STAT3: variants seen among roughly 807,000 people sequenced by gnomAD.
STAT3 encodes the protein DNA-binding protein APRF.
STAT3 carries 7 observed loss-of-function variants against 114.3 expected under a neutral mutation model. That is an observed-to-expected ratio of 0.06 (90% CI 0.03 to 0.11). The LOEUF (loss-of-function observed/expected upper bound fraction) is 0.11, where lower values mean the gene tolerates loss of function less well. Ranked by LOEUF, STAT3 falls within the 10% of genes least tolerant of loss-of-function variation. STAT3 has a pLI of 1.00. For synonymous variants in STAT3, 331 were observed against 354.5 expected (o/e 0.93, Z 0.74); for missense variants, 364 against 960.9 (o/e 0.38, Z 8.21).
At chr17:42,335,275 A>G (rs1417304466) in intron 8 of STAT3, among the ~76,000 whole-genome samples, 1 of 152,108 alleles carries the variant, frequency 6.6e-6, no homozygotes, top group Non-Finnish European at 1.5e-5. Context: ...GGTGTGTGCC[A>G]CCATGCCTGT....
rs2081540384 is a variant in STAT3, at chr17:42,322,904, C to A, written c.1888+100G>T. On this transcript the variant is annotated intron_variant, in intron 20 of 23. Coordinates refer to ENST00000264657, the MANE Select transcript of STAT3 (RefSeq NM_139276.3). Reference sequence around the variant, plus strand: ...GTCTGAGTGAAACAGGGAGTCAAGGCCATCTCCACCCACCAGGGGGCAGTA... The same window carrying A: ...GTCTGAGTGAAACAGGGAGTCAAGGACATCTCCACCCACCAGGGGGCAGTA... 3.3e-5 allele frequency: 51 copies of A among 1,558,626 alleles called. No homozygotes were observed. In the South Asian group the frequency reaches 5.4e-4, roughly 16 times the overall value.
Position 42,333,870 on chromosome 17 carries a change from G to A in STAT3, c.956+21C>T. 1.2e-6 allele frequency: 2 copies of A among 1,614,196 alleles called. No individual in the cohort carries two copies. Among genetic ancestry groups the A allele is most frequent in the South Asian group, 1.1e-5 (1 of 91,078 alleles). On this transcript the variant is annotated intron_variant, in intron 9 of 23. Transcript: ENST00000264657. This position sits in a 1 kb window ranked among gnomAD's most constrained non-coding sequence, Gnocchi z 5.2. ...TTAGGTATTTTTTAGATGAGGGAAA[G>A]GGACAAGGATGCTAAATTACCTTTT... is the stretch of plus-strand genomic sequence containing the variant.
chr17:42,340,017 A>C (rs1477842894), intron 4 of STAT3, among the ~76,000 whole-genome samples: 1 of 152,120 alleles, frequency 6.6e-6, no homozygotes, highest in Non-Finnish European at 1.5e-5. Flanking sequence ...AAATGAATGA[A>C]TGAATTAAAG....
intron 4 of STAT3, among the ~76,000 whole-genome samples, chr17:42,340,940 C>T (rs906245124): frequency 6.6e-6 from 1 of 152,112 alleles, no homozygotes; most frequent in Non-Finnish European, 1.5e-5. Context: ...TGGTCTATGG[C>T]AGCTGAAGCT....
At chr17:42,358,123 GAAGT>G (rs1272908861) in intron 1 of STAT3, among the ~76,000 whole-genome samples, 3 of 152,084 alleles carry the variant, frequency 2.0e-5, no homozygotes, top group Admixed American at 1.3e-4. Flanking sequence ...ATATATGAAA[GAAGT>G]AAAGGCCAGG....
At chr17:42,351,377 T>A (rs17886670) in intron 1 of STAT3, among the ~76,000 whole-genome samples, 1,575 of 151,922 alleles carry the variant, frequency 0.01, 38 homozygotes, top group African/African-American at 0.032. Flanking sequence ...CTCAAGTAAC[T>A]GGGACTACAG....
Position 42,324,084 on chromosome 17 carries a change from G to A in STAT3, c.1601-459C>T, listed in dbSNP as rs557096591. 2.8e-4 allele frequency among the ~76,000 whole-genome samples: 43 copies of A among 152,294 alleles called. No individual in the cohort carries two copies. The highest frequency in any genetic ancestry group is 3.4e-3 in the Middle Eastern group (1 of 294). Reference sequence around the variant, plus strand: ...GCCTGTAATCCCAGCACTTTAGGAGGCCGAGGTGGGCGGATCACGAGGTGA... The same window carrying A: ...GCCTGTAATCCCAGCACTTTAGGAGACCGAGGTGGGCGGATCACGAGGTGA... On this transcript the variant is annotated intron_variant, in intron 17 of 23. Transcript: ENST00000264657. This position sits in a 1 kb window ranked among gnomAD's most constrained non-coding sequence, Gnocchi z 4.5.
At chr17:42,373,298 C>T (rs1178702715) in intron 1 of STAT3, among the ~76,000 whole-genome samples, 1 of 151,800 alleles carries the variant, frequency 6.6e-6, no homozygotes, top group Non-Finnish European at 1.5e-5. Flanking sequence ...TGCAGTGAGC[C>T]GAGATCATGC....
intron 1 of STAT3, among the ~76,000 whole-genome samples, chr17:42,359,220 G>C (rs1215932638): frequency 6.6e-6 from 1 of 152,046 alleles, no homozygotes; most frequent in Non-Finnish European, 1.5e-5. Flanking sequence ...CAGGCGTAAA[G>C]CCACCGCACC....
intron 1 of STAT3, among the ~76,000 whole-genome samples, chr17:42,380,113 C>T (rs1402461784): frequency 6.6e-6 from 1 of 152,150 alleles, no homozygotes; most frequent in African/African-American, 2.4e-5. Flanking sequence ...CAGCTCACTG[C>T]AACCCCCACC....
At chr17:42,345,327 T>C (rs1436395052) in intron 4 of STAT3, 4 of 517,990 alleles carry the variant, frequency 7.7e-6, no homozygotes, top group East Asian at 3.3e-5. Flanking sequence ...TTTTAAACCA[T>C]TGGGTCTGTT....
chr17:42,386,564 A>C (rs1445982619), intron 1 of STAT3, among the ~76,000 whole-genome samples: 1 of 151,686 alleles, frequency 6.6e-6, no homozygotes, highest in African/African-American at 2.4e-5. Context: ...TGGTGCTTAG[A>C]CTAGACTCTA....
intron 1 of STAT3, among the ~76,000 whole-genome samples, chr17:42,355,509 G>A (rs1286431829): frequency 6.6e-6 from 1 of 152,162 alleles, no homozygotes; most frequent in African/African-American, 2.4e-5. Context: ...GATAGTAGAT[G>A]CACTGTACAA....
Position 42,358,933 on chromosome 17 carries a change from C to CTTTTTTTTTTTTTTTTTTTTTTTTTTTTT in STAT3, c.-23-10395_-23-10394insAAAAAAAAAAAAAAAAAAAAAAAAAAAAA, listed in dbSNP as rs35099574. Among the ~76,000 whole-genome samples the CTTTTTTTTTTTTTTTTTTTTTTTTTTTTT allele has an allele frequency of 2.5e-4, 25 of 100,450 alleles. 2 individuals are homozygous for CTTTTTTTTTTTTTTTTTTTTTTTTTTTTT. Among genetic ancestry groups the CTTTTTTTTTTTTTTTTTTTTTTTTTTTTT allele is most frequent in the Non-Finnish European group, 3.6e-4 (19 of 53,344 alleles). The allele number at this position is 100,450 out of a possible 152,430, so 65.9% of individuals were successfully genotyped here. On this transcript the variant is annotated intron_variant, in intron 1 of 23. Transcript: ENST00000264657. ...GTCTCCCTTTCATGGACATTTCTTA[C>CTTTTTTTTTTTTTTTTTTTTTTTTTTTTT]TTTTTTTTTTTTTTTTTTTGAGATG...
At chr17:42,380,158 T>C (rs1429103325) in intron 1 of STAT3, among the ~76,000 whole-genome samples, 2 of 151,906 alleles carry the variant, frequency 1.3e-5, no homozygotes, top group Admixed American at 6.6e-5. Context: ...TGCCTCAGCC[T>C]CCCGGGTAGC....
chr17:42,336,708 C>T (rs1044678655), intron 8 of STAT3, among the ~76,000 whole-genome samples: 3 of 148,706 alleles, frequency 2.0e-5, no homozygotes, highest in African/African-American at 7.9e-5. Context: ...TGAGCATCAA[C>T]TAAATTTTAA....
chr17:42,328,600 C>T (rs765307594), intron 14 of STAT3, among the ~76,000 whole-genome samples: 2 of 152,054 alleles, frequency 1.3e-5, no homozygotes, highest in Non-Finnish European at 2.9e-5. Flanking sequence ...TAGAGACGGG[C>T]TTTCACCATG....
At chr17:42,371,987 G>A (rs891656162) in intron 1 of STAT3, among the ~76,000 whole-genome samples, 4 of 151,860 alleles carry the variant, frequency 2.6e-5, no homozygotes, top group South Asian at 2.1e-4. Context: ...GTGAAACTCT[G>A]TCTCCAAAAA....
In STAT3 at chr17:42,324,151, T is replaced by G. The variant is rs941498660; in HGVS notation, c.1601-526A>C. On this transcript the variant is annotated intron_variant, in intron 17 of 23. Coordinates refer to ENST00000264657, the MANE Select transcript of STAT3 (RefSeq NM_139276.3). The surrounding 1 kb of genome is among the most constrained non-coding windows in gnomAD (Gnocchi z 4.5). ...CTGGCCAACATGGTAAAACCCCGTC[T>G]CTACTAAAAATACAAAAATTAGCTG... Among the ~76,000 whole-genome samples, 8 of 151,982 alleles carry G rather than the reference T, an allele frequency of 5.3e-5. No homozygotes were observed. The highest frequency in any genetic ancestry group is 1.0e-4 in the Non-Finnish European group (7 of 68,008).
Sources: allele counts gnomAD v4.1 joint callset (sites outside exome capture counted in the v4.1 genomes callset), GRCh38; gene constraint gnomAD v4.1.1; non-coding constraint Gnocchi (gnomAD v3.1); transcripts MANE v1.5; gene names NCBI Gene and HGNC (gene_info 2026-07-23, HGNC 2026-07-21).